The following DYNC2H1 variants were observed in gnomAD, a reference collection of about 807,000 sequenced individuals.
DYNC2H1 encodes cytoplasmic dynein 2 heavy chain 1.
DYNC2H1 carries 410 observed loss-of-function variants against 570.0 expected under a neutral mutation model. That is an observed-to-expected ratio of 0.72 (90% CI 0.66 to 0.78). DYNC2H1 has a LOEUF of 0.78. Among genes scored for constraint, DYNC2H1 ranks in the 30% least tolerant of loss-of-function variants. DYNC2H1 has a pLI of 0.00. For missense variants in DYNC2H1, 4,865 were observed against 5,046.4 expected (o/e 0.96, Z 1.09); for synonymous variants, 1,688 against 1,677.6 (o/e 1.01, Z -0.15).
intron 17 of DYNC2H1, among the ~76,000 whole-genome samples, chr11:103,138,847 C>T (rs1390201752): frequency 2.6e-5 from 4 of 151,938 alleles, no homozygotes; most frequent in African/African-American, 4.8e-5. Flanking sequence ...TGGTCCTGGA[C>T]TCTTTTTGGT....
At position 103,254,021 on chromosome 11, in the gene DYNC2H1, T is replaced by C. The variant is rs989382853; in HGVS notation, c.10206+573T>C. ...ATAATGCCAGTTGACTTTTGGAGTA[T>C]CATCCTATTTTTTACTCATCTAACA... On this transcript the variant is annotated intron_variant, in intron 66 of 88. Transcript: ENST00000375735. This position sits in a 1 kb window ranked among gnomAD's most constrained non-coding sequence, Gnocchi z 4.9. Among the ~76,000 whole-genome samples the C allele has an allele frequency of 9.2e-5, 14 of 152,196 alleles. No individual in the cohort carries two copies. The highest frequency in any genetic ancestry group is 1.8e-4 in the Non-Finnish European group (12 of 68,012).
chr11:103,158,541 A>C, intron 26 of DYNC2H1, 136 bp from the exon 27 acceptor site: 1 of 575,954 alleles, frequency 1.7e-6, no homozygotes, highest in Non-Finnish European at 3.0e-6. Flanking sequence ...AATATTTAAC[A>C]TTCCTAGAGG....
rs762407103 is a variant in DYNC2H1, at chr11:103,200,054, A to C, written c.8097A>C (p.Gln2699His). The C allele has an allele frequency of 9.5e-6, 15 of 1,581,646 alleles. No individual in the cohort carries two copies. In the African/African-American group the frequency reaches 1.9e-4, roughly 20 times the overall value. Residue 2699 changes from glutamine to histidine, a missense_variant, in exon 50 of 89, where the codon CAA becomes CAC. Physicochemically the swap from Gln to His is conservative, Grantham distance 24 (BLOSUM62 0). This residue lies in a region of DYNC2H1 where 2,401 missense variants were observed against 2,454.6 expected (regional missense o/e 0.98). Coordinates refer to ENST00000375735, the MANE Select transcript of DYNC2H1 (RefSeq NM_001377.3). ...ATTTTCTGATTTTGCAGGTGCTGCA[A>C]CTTGCAGGAATTGAAGCACAACAGG... ...QFKNDLKHVL[Q>H]LAGIEAQQVV...
At chr11:103,378,446 T>TAA (rs1941491982) in intron 83 of DYNC2H1, among the ~76,000 whole-genome samples, 1 of 152,194 alleles carries the variant, frequency 6.6e-6, no homozygotes, top group Non-Finnish European at 1.5e-5. Context: ...CAAAATGAGC[T>TAA]AATTAGGGTA....
rs183970934 is a variant in DYNC2H1, at chr11:103,260,715, G to A, written c.10695+738G>A. Among the ~76,000 whole-genome samples the A allele has an allele frequency of 5.7e-4, 86 of 151,618 alleles. No homozygotes were observed. In the East Asian group the frequency reaches 0.014, roughly 25 times the overall value. On this transcript the variant is annotated intron_variant, in intron 70 of 88. Transcript: ENST00000375735. The stretch of plus-strand genomic sequence containing the variant: ...GCTCACTGCAAGCTCTGCCTCCTGG[G>A]TTCAAGTCATTCTCCTGCTTCAGCC...
At chr11:103,426,574 A>G (rs1027604329) in intron 84 of DYNC2H1, among the ~76,000 whole-genome samples, 2 of 152,230 alleles carry the variant, frequency 1.3e-5, no homozygotes, top group Non-Finnish European at 2.9e-5. Context: ...CTAAAATTCC[A>G]TTTAATTTAC....
chr11:103,460,955 T>C (rs1242475525), intron 87 of DYNC2H1, among the ~76,000 whole-genome samples: 2 of 152,108 alleles, frequency 1.3e-5, no homozygotes, highest in African/African-American at 2.4e-5. Context: ...TAGAAAATAA[T>C]TGTCATTTTT....
chr11:103,237,636 C>A (rs1864270273), intron 63 of DYNC2H1, among the ~76,000 whole-genome samples: 1 of 151,434 alleles, frequency 6.6e-6, no homozygotes, highest in South Asian at 2.1e-4. Flanking sequence ...TACATTATAG[C>A]AAACTATATG....
chr11:103,440,565 A>G (rs685679), intron 85 of DYNC2H1, among the ~76,000 whole-genome samples: 64,920 of 151,978 alleles, frequency 0.43, 15,638 homozygotes, highest in African/African-American at 0.66. Flanking sequence ...TAAGCAATAA[A>G]TAGCATTAAT....
chr11:103,123,808 G>A (rs1045290555), intron 11 of DYNC2H1, among the ~76,000 whole-genome samples: 1 of 138,818 alleles, frequency 7.2e-6, no homozygotes, highest in Non-Finnish European at 1.6e-5. Context: ...ATTAGGCTTT[G>A]AAACCCCCTC....
At chr11:103,462,468 T>C (rs891928083) in intron 87 of DYNC2H1, among the ~76,000 whole-genome samples, 6 of 152,178 alleles carry the variant, frequency 3.9e-5, no homozygotes, top group African/African-American at 1.2e-4. Flanking sequence ...TCATGTAAAG[T>C]TTCTCATCAG....
chr11:103,389,671 T>C (rs1193768419), intron 83 of DYNC2H1, among the ~76,000 whole-genome samples: 5 of 151,782 alleles, frequency 3.3e-5, no homozygotes, highest in Non-Finnish European at 7.4e-5. Flanking sequence ...GCTTTGAATG[T>C]GTCCCAGAGA....
chr11:103,126,890 G>C (rs767974851), intron 12 of DYNC2H1, among the ~76,000 whole-genome samples: 21 of 152,218 alleles, frequency 1.4e-4, no homozygotes, highest in South Asian at 4.2e-4. Flanking sequence ...CGCCTACCTT[G>C]GCCTCCCAAA....
intron 20 of DYNC2H1, among the ~76,000 whole-genome samples, chr11:103,148,900 T>C (rs912595287): frequency 6.6e-6 from 1 of 151,960 alleles, no homozygotes; most frequent in Non-Finnish European, 1.5e-5. Context: ...CTGTTAAAAA[T>C]ACAAAAATTA....
intron 10 of DYNC2H1, 129 bp from the exon 11 acceptor site, chr11:103,122,696 C>T (rs1481949125): frequency 1.3e-6 from 1 of 787,028 alleles, no homozygotes; most frequent in East Asian, 2.7e-5. Flanking sequence ...GGTGAATCTT[C>T]CGTTTCACTG....
At chr11:103,376,641 G>T (rs1339209687) in intron 83 of DYNC2H1, among the ~76,000 whole-genome samples, 1 of 152,072 alleles carries the variant, frequency 6.6e-6, no homozygotes, top group East Asian at 1.9e-4. Context: ...TGTATGATGG[G>T]TTCCTTAGCC....
In DYNC2H1 at chr11:103,163,575, G is replaced by A. The variant is rs11225575; in HGVS notation, c.4611+428G>A. On this transcript the variant is annotated intron_variant, in intron 30 of 88. Coordinates refer to ENST00000375735, the MANE Select transcript of DYNC2H1 (RefSeq NM_001377.3). This position sits in a 1 kb window ranked among gnomAD's most constrained non-coding sequence, Gnocchi z 4.6. ...AAACTGTAATATTGACAGTGAGAGT[G>A]AGGTCATATGGTGAATTACAGAGAT... Among the ~76,000 whole-genome samples, 2,889 of 152,262 alleles carry A rather than the reference G, an allele frequency of 0.019. 41 individuals carry two copies. The highest frequency in any genetic ancestry group is 0.028 in the Non-Finnish European group (1,923 of 68,010).
At chr11:103,374,559 C>T (rs1396718168) in intron 83 of DYNC2H1, among the ~76,000 whole-genome samples, 1 of 152,114 alleles carries the variant, frequency 6.6e-6, no homozygotes. Flanking sequence ...GACCTTCTTA[C>T]AGACTTGTTG....
chr11:103,450,178 CA>C (rs1161471589), intron 85 of DYNC2H1, among the ~76,000 whole-genome samples: 5 of 152,092 alleles, frequency 3.3e-5, no homozygotes, highest in Non-Finnish European at 7.4e-5. Flanking sequence ...AACTTTTACA[CA>C]CCTAATAACA....
Sources: allele counts gnomAD v4.1 joint callset (sites outside exome capture counted in the v4.1 genomes callset), GRCh38; gene constraint gnomAD v4.1.1; regional missense constraint gnomAD v4.1.1; non-coding constraint Gnocchi (gnomAD v3.1); transcripts MANE v1.5; gene names NCBI Gene and HGNC (gene_info 2026-07-23, HGNC 2026-07-21).